PCDH1: variants seen among roughly 807,000 people sequenced by gnomAD.
PCDH1 encodes protocadherin 1.
In PCDH1, 23 loss-of-function variants were observed where a neutral mutation model predicts 74.6. The observed-to-expected ratio is 0.31, with a 90% CI of 0.22 to 0.44. The LOEUF (loss-of-function observed/expected upper bound fraction) is 0.44, where lower values mean the gene tolerates loss of function less well. PCDH1 is among the 20% of genes least tolerant of loss of function. The pLI is 1.00. For synonymous variants in PCDH1, 647 were observed against 686.1 expected, an observed-to-expected ratio of 0.94 and a Z score of 0.89; for missense variants, 1,214 against 1,641.4, an observed-to-expected ratio of 0.74 and a Z score of 4.50.
chr5:141,856,884 C>T (rs974443624), intron 4 of PCDH1, among the ~76,000 whole-genome samples: 4 of 152,178 alleles, frequency 2.6e-5, no homozygotes, highest in African/African-American at 7.2e-5. Context: ...GCTTTCTGGC[C>T]ACCACACTCA....
intron 4 of PCDH1, among the ~76,000 whole-genome samples, chr5:141,856,569 G>T (rs557270206): frequency 2.0e-4 from 30 of 152,066 alleles, no homozygotes; most frequent in African/African-American, 6.8e-4. Context: ...ACATGCACAC[G>T]CACTGCACAC....
intron 1 of PCDH1, among the ~76,000 whole-genome samples, chr5:141,871,464 C>T (rs1378948821): frequency 6.6e-6 from 1 of 152,218 alleles, no homozygotes; most frequent in Non-Finnish European, 1.5e-5. Context: ...CAGTCTGAGG[C>T]AAACCCAGCT....
chr5:141,854,066 C>A lies in PCDH1; in HGVS notation c.3690G>T (p.Thr1230=). ...PPAATPASAQ[T]AKREIYL is the part of the protein sequence containing the mutation. ...CTCACAGGTAGATCTCGCGCTTGGC[C>A]GTCTGGGCAGATGCCGGTGTGGCTG... The change falls in exon 5 of 5, where the codon ACG becomes ACT. Residue 1230 remains threonine, a synonymous_variant. Transcript: ENST00000287008. 1 of 1,527,062 alleles carries A rather than the reference C, an allele frequency of 6.5e-7. No individual in the cohort carries two copies. The highest frequency in any genetic ancestry group is 8.8e-7 in the Non-Finnish European group (1 of 1,135,770). 94.6% of individuals were successfully genotyped at this position (1,527,062 alleles called of 1,614,324 possible).
rs113451110 is a variant in PCDH1, at chr5:141,864,570, C to A, written c.1761G>T (p.Arg587=). ...CTGTGCCCTGGAGGCTAGGACTGCC[C>A]CGGTCAGCTGCCACCACCTTCAACT... ...SYELKVVAAD[R]GSPSLQGTAT... The change falls in exon 3 of 5, where the codon CGG becomes CGT. Residue 587 remains arginine, a synonymous_variant. Coordinates refer to ENST00000287008, the MANE Select transcript of PCDH1 (RefSeq NM_032420.5). This position sits in a 1 kb window ranked among gnomAD's most constrained non-coding sequence, Gnocchi z 5.9. 3.1e-6 allele frequency: 5 copies of A among 1,613,796 alleles called. No homozygotes were observed. Among genetic ancestry groups the A allele is most frequent in the Non-Finnish European group, 4.2e-6 (5 of 1,180,032 alleles).
chr5:141,873,437 CCGGT>C, intron 1 of PCDH1, among the ~76,000 whole-genome samples: 1 of 150,146 alleles, frequency 6.7e-6, no homozygotes, highest in African/African-American at 2.4e-5. Flanking sequence ...CGCGCCTGGC[CCGGT>C]CCTGCAAACG....
intron 2 of PCDH1, among the ~76,000 whole-genome samples, chr5:141,867,110 C>T (rs181690273): frequency 1.3e-5 from 2 of 152,336 alleles, no homozygotes; most frequent in African/African-American, 4.8e-5. Flanking sequence ...CCCCAGTCTC[C>T]CTTGGCTCTA....
At position 141,871,189 on chromosome 5, in the gene PCDH1, C is replaced by T. The variant is rs184572338; in HGVS notation, c.41-1758G>A. ...ACAGTACTCTGTACACTCACTCATC[C>T]CCTGCCCCCTAACAATGCACCTTTG... is the stretch of plus-strand genomic sequence containing the variant. On this transcript the variant is annotated intron_variant, in intron 1 of 4. Transcript: ENST00000287008. Among the ~76,000 whole-genome samples the T allele has an allele frequency of 7.9e-5, 12 of 152,256 alleles. 1 individual carries two copies. The highest frequency in any genetic ancestry group is 7.9e-4 in the Admixed American group (12 of 15,286).
Position 141,864,966 on chromosome 5 carries a change from C to T in PCDH1, c.1365G>A (p.Lys455=). Reference sequence around the variant, plus strand: ...GCGGGGTGGTAGTCTGCAGGAAATACTTCTTCTTGCTGTCACTGCCTGTCT... The same window carrying T: ...GCGGGGTGGTAGTCTGCAGGAAATATTTCTTCTTGCTGTCACTGCCTGTCT... ...ASETGSDSKK[K]YFLQTTTPLD... The change falls in exon 3 of 5, where the codon AAG becomes AAA. Residue 455 remains lysine, a synonymous_variant. Coordinates refer to ENST00000287008, the MANE Select transcript of PCDH1 (RefSeq NM_032420.5). The surrounding 1 kb of genome is among the most constrained non-coding windows in gnomAD (Gnocchi z 5.9). The T allele has an allele frequency of 1.2e-6, 2 of 1,614,138 alleles. No homozygotes were observed. Among genetic ancestry groups the T allele is most frequent in the Non-Finnish European group, 1.7e-6 (2 of 1,180,026 alleles).
chr5:141,871,622 A>T (rs1174777184), intron 1 of PCDH1, among the ~76,000 whole-genome samples: 3 of 152,216 alleles, frequency 2.0e-5, no homozygotes, highest in Non-Finnish European at 4.4e-5. Context: ...CCTTCAAAGC[A>T]TTTAGCACAA....
At chr5:141,874,634 G>A (rs1753175122) in intron 1 of PCDH1, among the ~76,000 whole-genome samples, 1 of 152,314 alleles carries the variant, frequency 6.6e-6, no homozygotes, top group African/African-American at 2.4e-5. Flanking sequence ...ACAGAGGTGA[G>A]AGTTCACCCG....
Position 141,869,542 on chromosome 5 carries a change from C to T in PCDH1, c.41-111G>A. ...CCTCTCCCACTGACACACGATTCTC[C>T]ACAAGAGCAGTCAGTCCCAGCACAG... On this transcript the variant is annotated intron_variant, in intron 1 of 4. Coordinates refer to ENST00000287008, the MANE Select transcript of PCDH1 (RefSeq NM_032420.5). This position sits in a 1 kb window ranked among gnomAD's most constrained non-coding sequence, Gnocchi z 4.9. The T allele has an allele frequency of 1.3e-6, 2 of 1,541,188 alleles. No homozygotes were observed. The highest frequency in any genetic ancestry group is 1.4e-5 in the African/African-American group (1 of 73,720).
intron 4 of PCDH1, among the ~76,000 whole-genome samples, chr5:141,855,485 T>C (rs936718811): frequency 6.6e-6 from 1 of 151,990 alleles, no homozygotes; most frequent in African/African-American, 2.4e-5. Flanking sequence ...TCTCTCTCTC[T>C]CTCCCTCTCA....
At chr5:141,856,230 C>A (rs1368434071) in intron 4 of PCDH1, 1 of 1,535,590 alleles carries the variant, frequency 6.5e-7, no homozygotes, top group Non-Finnish European at 8.7e-7. Context: ...ATACCTGGCA[C>A]TCTGCCTCAG....
Position 141,878,339 on chromosome 5 carries a change from G to A in PCDH1, c.-77C>T. 9.3e-7 allele frequency: 1 copy of A among 1,076,686 alleles called. No individual in the cohort carries two copies. Among genetic ancestry groups the A allele is most frequent in the African/African-American group, 1.7e-5 (1 of 60,168 alleles). The allele number at this position is 1,076,686 out of a possible 1,614,324, so 66.7% of individuals were successfully genotyped here. A position where few individuals can be genotyped will look rare whatever the true frequency, so the allele number is the denominator to read the frequency against. ...AGCTGCAGTTCGGGCTCCGGCTCCG[G>A]CTCCGGCTGGCTCTGGGCGCAGCAG... On this transcript the variant is annotated 5_prime_UTR_variant, in exon 1 of 5. Transcript: ENST00000287008. This position sits in a 1 kb window ranked among gnomAD's most constrained non-coding sequence, Gnocchi z 5.5.
intron 4 of PCDH1, 69 bp from the exon 5 acceptor site, chr5:141,854,505 C>T: frequency 6.8e-7 from 1 of 1,477,790 alleles, no homozygotes; most frequent in South Asian, 1.4e-5. Flanking sequence ...TTCATGGCCT[C>T]CCACTGGCAT....
Position 141,869,938 on chromosome 5 carries a change from T to C in PCDH1, c.41-507A>G, listed in dbSNP as rs139079300. ...ATGCATGGTAGGAAAGAGACACAAG[T>C]ACGTCCTTACACACCCCAGACCCTG... is the stretch of plus-strand genomic sequence containing the variant. On this transcript the variant is annotated intron_variant, in intron 1 of 4. Transcript: ENST00000287008. The surrounding 1 kb of genome is among the most constrained non-coding windows in gnomAD (Gnocchi z 4.9). Among the ~76,000 whole-genome samples the C allele has an allele frequency of 7.2e-5, 11 of 152,256 alleles. No individual in the cohort carries two copies. The highest frequency in any genetic ancestry group is 1.6e-4 in the Non-Finnish European group (11 of 68,008).
At chr5:141,872,809 C>A (rs1179202019) in intron 1 of PCDH1, among the ~76,000 whole-genome samples, 2 of 152,120 alleles carry the variant, frequency 1.3e-5, no homozygotes, top group African/African-American at 4.8e-5. Flanking sequence ...AGAAGGAGAA[C>A]CACAGGATAA....
In PCDH1 at chr5:141,869,316, T is replaced by C. The variant is rs754546240; in HGVS notation, c.156A>G (p.Pro52=). The C allele has an allele frequency of 1.4e-5, 22 of 1,600,872 alleles. No individual in the cohort carries two copies. The South Asian group carries it at 2.3e-4, about 16-fold the overall frequency. ...MLLALLLLLA[P]SPGHATRVVY... is the part of the protein sequence containing the mutation. ...CTACCCGAGTGGCGTGGCCTGGGGA[T>C]GGAGCCAGCAGGAGCAGCAGTGCTA... is the stretch of plus-strand genomic sequence containing the variant. Residue 52 remains proline (P), a synonymous_variant, in exon 2 of 5, where the codon CCA becomes CCG. Transcript: ENST00000287008. The surrounding 1 kb of genome is among the most constrained non-coding windows in gnomAD (Gnocchi z 4.9).
intron 1 of PCDH1, among the ~76,000 whole-genome samples, chr5:141,870,363 C>T (rs932144256): frequency 1.5e-4 from 23 of 152,126 alleles, no homozygotes; most frequent in Admixed American, 1.4e-3. Flanking sequence ...TGGGCAGGTG[C>T]GTACAAGGGA....
Sources: allele counts gnomAD v4.1 joint callset (sites outside exome capture counted in the v4.1 genomes callset), GRCh38; gene constraint gnomAD v4.1.1; non-coding constraint Gnocchi (gnomAD v3.1); transcripts MANE v1.5; gene names NCBI Gene and HGNC (gene_info 2026-07-23, HGNC 2026-07-21).